The following COL5A3 variants were observed in gnomAD, a reference collection of about 807,000 sequenced individuals.
COL5A3 encodes collagen type V alpha 3 chain, also known as collagen alpha-3(V) chain.
In COL5A3, 172 loss-of-function variants were observed where a neutral mutation model predicts 250.0. The observed-to-expected ratio is 0.69, with a 90% confidence interval of 0.61 to 0.78. The LOEUF is 0.78. Among genes scored for constraint, COL5A3 ranks in the 30% least tolerant of loss-of-function variants. COL5A3 has a pLI of 0.00. For synonymous variants in COL5A3, 937 were observed against 900.4 expected (o/e 1.04, Z -0.73); for missense variants, 2,340 against 2,334.4 (o/e 1.00, Z -0.05).
At chr19:9,993,216 G>A (rs11672571) in intron 19 of COL5A3, 149 bp from the exon 20 acceptor site, 50,785 of 1,120,658 alleles carry the variant, frequency 0.045, 1,409 homozygotes, top group Middle Eastern at 0.061. Flanking sequence ...TTCCATTCAG[G>A]CCCCTGACTC....
intron 20 of COL5A3, 24 bp downstream of exon 20, chr19:9,992,999 G>A (rs1403134759): frequency 6.2e-7 from 1 of 1,612,934 alleles, no homozygotes; most frequent in African/African-American, 1.3e-5. Flanking sequence ...CCAAGCAAGG[G>A]GCCCAGGGAT....
rs760500778 is a variant in COL5A3 at position 9,962,780 on chromosome 19, A to G, written c.4851+39T>C. The stretch of plus-strand genomic sequence containing the variant: ...CAAACCCCCCTGCTGGTTCCCATCA[A>G]TTTTCATGTCACTCCCCATCTCGGC... On this transcript the variant is annotated intron_variant, in intron 65 of 66. Transcript: ENST00000264828. 9 of 1,541,626 alleles carry G rather than the reference A, an allele frequency of 5.8e-6. No individual in the cohort carries two copies. In the Admixed American group the frequency reaches 7.1e-5, roughly 12 times the overall value.
intron 31 of COL5A3, among the ~76,000 whole-genome samples, chr19:9,983,592 GA>G (rs879530277): frequency 1.5e-5 from 1 of 68,896 alleles, no homozygotes; most frequent in South Asian, 4.5e-4. Context: ...AAGAAAGAAA[GA>G]AAGAAAGAGA....
chr19:10,004,713 C>A lies in COL5A3; in HGVS notation c.595-568G>T, dbSNP rs954254153. 3.3e-5 allele frequency among the ~76,000 whole-genome samples: 5 copies of A among 152,124 alleles called. No homozygotes were observed. The East Asian group carries it at 9.6e-4, about 29-fold the overall frequency. On this transcript the variant is annotated intron_variant, in intron 4 of 66. Transcript: ENST00000264828. Reference sequence around the variant, plus strand: ...GGATAAGGAGGAACATGAGATAGATCAGGTCCCTGGCCTCCCAGAGGTGAC... The same window carrying A: ...GGATAAGGAGGAACATGAGATAGATAAGGTCCCTGGCCTCCCAGAGGTGAC...
Position 9,978,592 on chromosome 19 carries a change from T to TG in COL5A3, c.2999dup (p.Gly1001ArgfsTer11), listed in dbSNP as rs760926657. 2.5e-6 allele frequency: 4 copies of TG among 1,576,000 alleles called. No individual in the cohort carries two copies. The highest frequency in any genetic ancestry group is 1.1e-5 in the South Asian group (1 of 87,002). ...TACTTACATTGGCCCCCACGGGCCCTGGGGGGCCCTTATCACCCTTTAAGC... is the reference window on the plus strand; with the variant it reads ...TACTTACATTGGCCCCCACGGGCCCTGGGGGGGCCCTTATCACCCTTTAAGC... On this transcript the variant is annotated frameshift_variant, in exon 41 of 67. Coordinates refer to ENST00000264828, the MANE Select transcript of COL5A3 (RefSeq NM_015719.4). LOFTEE classifies it high-confidence loss of function.
At position 9,996,602 on chromosome 19, in the gene COL5A3, A is replaced by G. The variant is rs577842182; in HGVS notation, c.1338+13T>C. On this transcript the variant is annotated intron_variant, in intron 12 of 66. Coordinates refer to ENST00000264828, the MANE Select transcript of COL5A3 (RefSeq NM_015719.4). ...CCACTCCCCAAGGCTGGGCCACTCC[A>G]TCTCCTTCTTACCGGCATCATGATC... 2.4e-5 allele frequency: 38 copies of G among 1,613,890 alleles called. No individual in the cohort carries two copies. Among genetic ancestry groups the G allele is most frequent in the African/African-American group, 2.3e-4 (17 of 75,004 alleles).
intron 27 of COL5A3, among the ~76,000 whole-genome samples, chr19:9,987,992 T>G (rs1382427875): frequency 1.3e-5 from 2 of 152,052 alleles, no homozygotes; most frequent in East Asian, 3.9e-4. Context: ...CCCAGCACTT[T>G]GAGAGGCCGA....
Position 9,989,501 on chromosome 19 carries a change from T to C in COL5A3, c.2014A>G (p.Ile672Val). The C allele has an allele frequency of 6.2e-7, 1 of 1,612,864 alleles. No individual in the cohort carries two copies. Among genetic ancestry groups the C allele is most frequent in the Non-Finnish European group, 8.5e-7 (1 of 1,179,368 alleles). Residue 672 changes from isoleucine (I) to valine (V), a missense_variant, in exon 25 of 67, where the codon ATT (isoleucine) becomes GTT (valine). Coordinates refer to ENST00000264828, the MANE Select transcript of COL5A3 (RefSeq NM_015719.4). ...GEKGPPGNPG[I>V]PGLPGSDGPL... Reference sequence around the variant, plus strand: ...CCATCGGATCCTGGGAGGCCTGGAATTCCTGGGTTTCCAGGGGGACCCTGA... The same window carrying C: ...CCATCGGATCCTGGGAGGCCTGGAACTCCTGGGTTTCCAGGGGGACCCTGA...
intron 6 of COL5A3, among the ~76,000 whole-genome samples, chr19:10,002,841 C>A (rs1184758439): frequency 6.6e-6 from 1 of 152,110 alleles, no homozygotes. Flanking sequence ...CCAATTACCC[C>A]ATCTGCGACC....
Position 9,992,828 on chromosome 19 carries a change from G to T in COL5A3, c.1847C>A (p.Pro616Gln), listed in dbSNP as rs2087213462. 2 of 1,613,836 alleles carry T rather than the reference G, an allele frequency of 1.2e-6. No individual in the cohort carries two copies. Residue 616 changes from proline (P) to glutamine (Q), a missense_variant and splice_region_variant, in exon 21 of 67, where the codon CCG (proline) becomes CAG (glutamine). Pro to Gln is a moderately conservative substitution (Grantham distance 76). Coordinates refer to ENST00000264828, the MANE Select transcript of COL5A3 (RefSeq NM_015719.4). The stretch of plus-strand genomic sequence containing the variant: ...ATGCAGAGAGCCAGTGACACTCACC[G>T]GGCGACCCGTGGGGCCAGGAGAGCC... ...PRGSPGPTGR[P>Q]GVTGIDGAPG... is the part of the protein sequence containing the mutation.
Position 9,968,818 on chromosome 19 carries a change from T to C in COL5A3, c.4153-90A>G. 5 of 1,149,206 alleles carry C rather than the reference T, an allele frequency of 4.4e-6. No individual in the cohort carries two copies. The highest frequency in any genetic ancestry group is 6.3e-6 in the Non-Finnish European group (5 of 790,472). The allele number at this position is 1,149,206 out of a possible 1,614,324, so 71.2% of individuals were successfully genotyped here. A position where few individuals can be genotyped will look rare whatever the true frequency, so the allele number is the denominator to read the frequency against. On this transcript the variant is annotated intron_variant, in intron 57 of 66. Coordinates refer to ENST00000264828, the MANE Select transcript of COL5A3 (RefSeq NM_015719.4). The surrounding 1 kb of genome is among the most constrained non-coding windows in gnomAD (Gnocchi z 4.1). ...TAGGGGATGGTCAAATGGGAAATTA[T>C]GCAGATTTCAAATGGGAATTACCAG...
chr19:9,967,374 A>G lies in COL5A3; in HGVS notation c.4431T>C (p.Thr1477=), dbSNP rs1250066016. 1.4e-6 allele frequency: 2 copies of G among 1,467,032 alleles called. No individual in the cohort carries two copies. The highest frequency in any genetic ancestry group is 1.5e-5 in the South Asian group (1 of 66,952). 90.9% of individuals were successfully genotyped at this position (1,467,032 alleles called of 1,614,324 possible). Residue 1477 remains threonine, a synonymous_variant, in exon 62 of 67, where the codon ACT becomes ACC. Coordinates refer to ENST00000264828, the MANE Select transcript of COL5A3 (RefSeq NM_015719.4). The part of the protein sequence containing the change: ...SPGSMGPRGD[T]GPAGPPGPPG... The stretch of plus-strand genomic sequence containing the variant: ...GGGGGCCTGGTGGGCCTGCAGGTCC[A>G]GTGTCTCCACGGGGGCCCATGGACC...
At chr19:9,986,491 C>A in intron 29 of COL5A3, 62 bp downstream of exon 29, 1 of 1,588,768 alleles carries the variant, frequency 6.3e-7, no homozygotes, top group Non-Finnish European at 8.5e-7. Flanking sequence ...CCCAGCTCAT[C>A]CCCTCCCTAT....
chr19:9,999,030 TTCTTTTTCTTTCTCTTTCTTTC>T (rs1013909524), intron 8 of COL5A3, among the ~76,000 whole-genome samples: 2 of 109,384 alleles, frequency 1.8e-5, no homozygotes, highest in African/African-American at 9.6e-5. Flanking sequence ...TTCTTTCTCT[TTCTTTTTCTTTCTCTTTCTTTC>T]TCTTTTTCTT....
chr19:9,981,401 C>T (rs2087006409), intron 32 of COL5A3, among the ~76,000 whole-genome samples: 1 of 152,186 alleles, frequency 6.6e-6, no homozygotes, highest in South Asian at 2.1e-4. Context: ...CACAGCTGTG[C>T]AGTATGCATA....
In COL5A3 at chr19:9,966,743, C is replaced by G. The variant is rs3745584; in HGVS notation, c.4462G>C (p.Ala1488Pro). 0.37 allele frequency: 569,797 copies of G among 1,532,166 alleles called. 109,335 individuals are homozygous for G. Among genetic ancestry groups the G allele is most frequent in the East Asian group, 0.54 (21,917 of 40,808 alleles). 94.9% of individuals were successfully genotyped at this position (1,532,166 alleles called of 1,614,324 possible). A position where few individuals can be genotyped will look rare whatever the true frequency, so the allele number is the denominator to read the frequency against. The change falls in exon 63 of 67, where the codon GCC becomes CCC. Residue 1488 changes from alanine (A) to proline (P), a missense_variant. Physicochemically the swap from Ala to Pro is conservative, Grantham distance 27 (BLOSUM62 -1). Coordinates refer to ENST00000264828, the MANE Select transcript of COL5A3 (RefSeq NM_015719.4). The part of the protein sequence containing the change: ...GPAGPPGPPG[A>P]PAELHGLRRR... ...CGCAGCCCATGCAGCTCGGCAGGGG[C>G]ACCCTGGGCGTAGGGGATGGGGACG...
At chr19:9,969,777 G>A in intron 55 of COL5A3, 92 bp downstream of exon 55, 7 of 1,573,654 alleles carry the variant, frequency 4.4e-6, no homozygotes, top group Non-Finnish European at 6.1e-6. Context: ...GGGAGTAGGT[G>A]CACAGAGTGG....
rs910132232 is a variant in COL5A3, at chr19:9,961,704, G to A, written c.4852-814C>T. Among the ~76,000 whole-genome samples the A allele has an allele frequency of 5.9e-5, 9 of 151,804 alleles. No individual in the cohort carries two copies. In the East Asian group the frequency reaches 7.8e-4, roughly 13 times the overall value. On this transcript the variant is annotated intron_variant, in intron 65 of 66. Transcript: ENST00000264828. ...CTCCCAAGTAACTGGGACTACGGGCGCCTGCCACCACGCCCGGCTAATTTT... is the reference window on the plus strand; with the variant it reads ...CTCCCAAGTAACTGGGACTACGGGCACCTGCCACCACGCCCGGCTAATTTT...
intron 37 of COL5A3, 66 bp downstream of exon 37, chr19:9,979,773 G>T (rs1204360791): frequency 7.0e-7 from 1 of 1,420,264 alleles, no homozygotes; most frequent in Non-Finnish European, 9.7e-7. Flanking sequence ...GTGACAGAGT[G>T]AGACTCTGTC....
Sources: gnomAD v4.1 joint callset for allele counts (sites outside exome capture counted in the v4.1 genomes callset) on GRCh38, gnomAD v4.1.1 for gene constraint, Gnocchi (gnomAD v3.1) non-coding constraint, MANE v1.5 for transcripts, NCBI Gene and HGNC (gene_info 2026-07-23, HGNC 2026-07-21) for gene names.